Variants in GTPBP10 observed in about 807,000 individuals in gnomAD.
GTPBP10 encodes the protein GTP-binding protein 10.
Under a neutral mutation model 44.8 loss-of-function variants are expected in GTPBP10, and 38 were observed. That is an observed-to-expected ratio of 0.85 (90% confidence interval 0.65 to 1.11). GTPBP10 has a LOEUF of 1.11. GTPBP10 is among the 50% of genes most tolerant of loss of function. GTPBP10 has a pLI of 0.00. For missense variants in GTPBP10, 462 were observed against 453.7 expected (o/e 1.02, Z -0.17); for synonymous variants, 152 against 150.6 (o/e 1.01, Z -0.07).
chr7:90,385,031 C>A lies in GTPBP10; in HGVS notation c.1041C>A (p.Ala347=). 4 of 1,613,830 alleles carry A rather than the reference C, an allele frequency of 2.5e-6. No individual in the cohort carries two copies. The highest frequency in any genetic ancestry group is 3.4e-6 in the Non-Finnish European group (4 of 1,179,874). ...NCIRKSLDEQ[A]NQENDALHKK... ...TAAGAAAGTCACTGGATGAACAGGC[C>A]AACCAGGAAAATGATGCACTTCATA... Residue 347 remains alanine, a synonymous_variant, in exon 10 of 10, where the codon GCC becomes GCA. Coordinates refer to ENST00000222511, the MANE Select transcript of GTPBP10 (RefSeq NM_033107.4).
intron 5 of GTPBP10, among the ~76,000 whole-genome samples, chr7:90,373,118 G>A (rs1350019254): frequency 6.6e-6 from 1 of 152,148 alleles, no homozygotes; most frequent in Non-Finnish European, 1.5e-5. Flanking sequence ...TGGTGGCAGG[G>A]AGTAGATTTG....
chr7:90,389,628 A>T lies in GTPBP10; in HGVS notation c.*4474A>T, dbSNP rs574127309. ...GAAAATTTTTTAAAAGACATTTATT[A>T]AAAAAAAATGTCTATGCCTTATCAA... On this transcript the variant is annotated 3_prime_UTR_variant, in exon 10 of 10. Transcript: ENST00000222511. 10 of 151,384 alleles carry T rather than the reference A, an allele frequency of 6.6e-5. No homozygotes were observed. The highest frequency in any genetic ancestry group is 2.0e-4 in the Admixed American group (3 of 15,174). The allele number at this position is 151,384 out of a possible 1,614,324, so 9.4% of individuals were successfully genotyped here. A position where few individuals can be genotyped will look rare whatever the true frequency, so the allele number is the denominator to read the frequency against.
At chr7:90,346,914 A>T in intron 1 of GTPBP10, 140 bp downstream of exon 1, 1 of 908,014 alleles carries the variant, frequency 1.1e-6, no homozygotes. Context: ...CCCCTCCTGT[A>T]GTGGCGCTTT....
Position 90,356,690 on chromosome 7 carries a change from C to T in GTPBP10, c.464+1460C>T, listed in dbSNP as rs530569801. The stretch of plus-strand genomic sequence containing the variant: ...CACTATAGTTTTTTGCTTTTCACCA[C>T]GTCATTTGTTTTCTCATCTTTAATA... On this transcript the variant is annotated intron_variant, in intron 4 of 9. Transcript: ENST00000222511. Among the ~76,000 whole-genome samples the T allele has an allele frequency of 2.4e-4, 36 of 152,168 alleles. No homozygotes were observed. In the South Asian group the frequency reaches 5.0e-3, roughly 21 times the overall value.
At position 90,390,535 on chromosome 7, in the gene GTPBP10, A is replaced by G. The variant is rs886183980; in HGVS notation, c.*5381A>G. On this transcript the variant is annotated 3_prime_UTR_variant, in exon 10 of 10. Coordinates refer to ENST00000222511, the MANE Select transcript of GTPBP10 (RefSeq NM_033107.4). Reference sequence around the variant, plus strand: ...TTGGGATGTACAGGTAAGATAAGCTATGTGAAGCATAGCTGTTATCCAAGT... The same window carrying G: ...TTGGGATGTACAGGTAAGATAAGCTGTGTGAAGCATAGCTGTTATCCAAGT... The G allele has an allele frequency of 9.9e-5, 15 of 152,224 alleles. No individual in the cohort carries two copies. Among genetic ancestry groups the G allele is most frequent in the Non-Finnish European group, 1.6e-4 (11 of 68,046 alleles). The allele number at this position is 152,224 out of a possible 1,614,324, so 9.4% of individuals were successfully genotyped here.
intron 8 of GTPBP10, among the ~76,000 whole-genome samples, chr7:90,379,591 C>T (rs1219345060): frequency 6.6e-6 from 1 of 152,084 alleles, no homozygotes; most frequent in Non-Finnish European, 1.5e-5. Flanking sequence ...ATTTCATTTG[C>T]CACTTTTTGT....
rs528675681 is a variant in GTPBP10 at position 90,382,947 on chromosome 7, G to T, written c.778-9G>T. 4.0e-6 allele frequency: 6 copies of T among 1,498,208 alleles called. No individual in the cohort carries two copies. The highest frequency in any genetic ancestry group is 1.4e-5 in the South Asian group (1 of 69,348). 92.8% of individuals were successfully genotyped at this position (1,498,208 alleles called of 1,614,324 possible). On this transcript the variant is annotated splice_polypyrimidine_tract_variant and intron_variant, in intron 8 of 9. Transcript: ENST00000222511. The stretch of plus-strand genomic sequence containing the variant: ...CTAAAATTATTGGGTTTTCTCTTTT[G>T]ATTTAAAGGAGTTGGAATTGTACAA...
chr7:90,349,046 C>T (rs929743171), intron 1 of GTPBP10, among the ~76,000 whole-genome samples: 11 of 152,144 alleles, frequency 7.2e-5, no homozygotes, highest in Admixed American at 2.0e-4. Flanking sequence ...ACTTTCCCGC[C>T]GTTTTTGGCA....
chr7:90,371,133 A>C, intron 4 of GTPBP10: 3 of 859,648 alleles, frequency 3.5e-6, no homozygotes, highest in Non-Finnish European at 4.2e-6. Flanking sequence ...GTTATTTTAA[A>C]AAAACAAATA....
rs769647269 is a variant in GTPBP10, at chr7:90,385,092, A to G, written c.1102A>G (p.Met368Val). Residue 368 changes from methionine (M) to valine (V), a missense_variant, in exon 10 of 10, where the codon ATG becomes GTG. By Grantham distance (21) the Met-to-Val change is conservative (BLOSUM62 1). Coordinates refer to ENST00000222511, the MANE Select transcript of GTPBP10 (RefSeq NM_033107.4). ...GCTTAATTTGTGGATTTCTGATACA[A>G]TGTCTTCTACTGAGCCACCATCAAA... ...QLLNLWISDT[M>V]SSTEPPSKHA... The G allele has an allele frequency of 1.2e-5, 19 of 1,613,320 alleles. No homozygotes were observed. The highest frequency in any genetic ancestry group is 3.3e-5 in the South Asian group (3 of 91,060).
chr7:90,353,105 A>G, intron 2 of GTPBP10, 96 bp downstream of exon 2: 1 of 774,838 alleles, frequency 1.3e-6, no homozygotes. Context: ...GTTAATTTGA[A>G]GTAAATTATT....
intron 2 of GTPBP10, 43 bp downstream of exon 2, chr7:90,353,052 C>T: frequency 1.5e-6 from 2 of 1,349,326 alleles, no homozygotes; most frequent in Non-Finnish European, 2.0e-6. Flanking sequence ...AAATCAAACC[C>T]TTCTGGAAAT....
chr7:90,348,850 A>G (rs1000235077), intron 1 of GTPBP10, among the ~76,000 whole-genome samples: 1 of 152,210 alleles, frequency 6.6e-6, no homozygotes, highest in African/African-American at 2.4e-5. Context: ...GCAGTCCTGA[A>G]CAATAGGAGC....
chr7:90,370,407 G>C (rs560421202), intron 4 of GTPBP10, among the ~76,000 whole-genome samples: 11 of 151,900 alleles, frequency 7.2e-5, no homozygotes, highest in South Asian at 2.1e-4. Context: ...CCATAAAAAA[G>C]AATGAGGACA....
Position 90,346,750 on chromosome 7 carries a change from T to C in GTPBP10, c.9T>C (p.His3=), listed in dbSNP as rs1795682217. 1.2e-6 allele frequency: 2 copies of C among 1,614,244 alleles called. No individual in the cohort carries two copies. Among genetic ancestry groups the C allele is most frequent in the Non-Finnish European group, 1.7e-6 (2 of 1,180,036 alleles). The change falls in exon 1 of 10, where the codon CAT becomes CAC. Residue 3 remains histidine (H), a synonymous_variant. Transcript: ENST00000222511. MV[H]CSCVLFRKYG... is the part of the protein sequence containing the mutation. The stretch of plus-strand genomic sequence containing the variant: ...CCTGGCCTGTTGCAGCCATGGTGCA[T>C]TGCAGTTGCGTGTTGTTCAGAAAGG...
At chr7:90,377,178 C>G (rs1025737073) in intron 6 of GTPBP10, among the ~76,000 whole-genome samples, 1 of 152,066 alleles carries the variant, frequency 6.6e-6, no homozygotes, top group Non-Finnish European at 1.5e-5. Context: ...GATCTATGGT[C>G]ACACCACTGC....
intron 4 of GTPBP10, among the ~76,000 whole-genome samples, chr7:90,362,096 GATT>G (rs1200392511): frequency 1.7e-5 from 1 of 58,942 alleles, no homozygotes; most frequent in Non-Finnish European, 3.7e-5. Flanking sequence ...TGGATTCATT[GATT>G]TTTTTTGAAG....
chr7:90,372,944 A>G (rs1418427019), intron 5 of GTPBP10, among the ~76,000 whole-genome samples: 3 of 152,208 alleles, frequency 2.0e-5, no homozygotes, highest in East Asian at 1.9e-4. Flanking sequence ...ATAAGGGAAT[A>G]TGAAAGGGTA....
In GTPBP10 at chr7:90,387,696, T is replaced by G. The variant is rs917323847; in HGVS notation, c.*2542T>G. 4.6e-5 allele frequency: 7 copies of G among 152,250 alleles called. No individual in the cohort carries two copies. Among genetic ancestry groups the G allele is most frequent in the Non-Finnish European group, 7.3e-5 (5 of 68,048 alleles). The allele number at this position is 152,250 out of a possible 1,614,324, so 9.4% of individuals were successfully genotyped here. On this transcript the variant is annotated 3_prime_UTR_variant, in exon 10 of 10. Transcript: ENST00000222511. The stretch of plus-strand genomic sequence containing the variant: ...GTCCAAGGTGCTGTATGTGCCATGT[T>G]GAAGAGAACAGACAGGACCTACTGT...
Sources: gnomAD v4.1 joint callset for allele counts (sites outside exome capture counted in the v4.1 genomes callset) on GRCh38, gnomAD v4.1.1 for gene constraint, MANE v1.5 for transcripts, NCBI Gene and HGNC (gene_info 2026-07-23, HGNC 2026-07-21) for gene names.